The following EYA2 variants were observed in gnomAD, a reference collection of about 807,000 sequenced individuals.
EYA2 encodes EYA transcriptional coactivator and phosphatase 2, also known as protein phosphatase EYA2.
A neutral mutation model predicts 69.2 loss-of-function variants in EYA2; 31 were observed. The ratio of observed to expected loss-of-function variants is 0.45; its 90% confidence interval spans 0.34 to 0.60. The LOEUF is 0.60. Among genes scored for constraint, EYA2 ranks in the 20% least tolerant of loss-of-function variants. The pLI is 0.02. For synonymous variants in EYA2, 257 were observed against 279.4 expected, an observed-to-expected ratio of 0.92 and a Z score of 0.80; for missense variants, 622 against 701.2, an observed-to-expected ratio of 0.89 and a Z score of 1.28.
chr20:47,122,911 G>A (rs1885631113), intron 9 of EYA2, among the ~76,000 whole-genome samples: 1 of 152,144 alleles, frequency 6.6e-6, no homozygotes, highest in African/African-American at 2.4e-5. Context: ...TATAGAAAAA[G>A]TTCACCACCC....
intron 9 of EYA2, among the ~76,000 whole-genome samples, chr20:47,129,188 CAGTAAT>C (rs1225220343): frequency 1.3e-5 from 2 of 152,140 alleles, no homozygotes; most frequent in African/African-American, 4.8e-5. Context: ...ATGAGGGACA[CAGTAAT>C]AGCTCCCATG....
At chr20:46,992,710 G>A (rs1003463428) in intron 2 of EYA2, among the ~76,000 whole-genome samples, 1 of 152,182 alleles carries the variant, frequency 6.6e-6, no homozygotes, top group Non-Finnish European at 1.5e-5. Flanking sequence ...GGCTGCCATG[G>A]TGAAGGCTTT....
chr20:46,969,019 T>C (rs1399261173), intron 1 of EYA2, among the ~76,000 whole-genome samples: 2 of 151,766 alleles, frequency 1.3e-5, no homozygotes, highest in East Asian at 3.9e-4. Flanking sequence ...GGTGTGATGA[T>C]TTGACCTACA....
At chr20:47,063,693 T>A (rs2030998087) in intron 5 of EYA2, among the ~76,000 whole-genome samples, 1 of 152,200 alleles carries the variant, frequency 6.6e-6, no homozygotes, top group African/African-American at 2.4e-5. Context: ...CTCTGGTCCT[T>A]CCTTGCAACC....
At chr20:47,043,641 C>T (rs978081737) in intron 5 of EYA2, among the ~76,000 whole-genome samples, 4 of 152,316 alleles carry the variant, frequency 2.6e-5, no homozygotes, top group South Asian at 2.1e-4. Context: ...CTCTCTGTTC[C>T]ACAGTATCTT....
intron 1 of EYA2, among the ~76,000 whole-genome samples, chr20:46,926,933 A>G (rs1985440446): frequency 6.6e-6 from 1 of 152,112 alleles, no homozygotes; most frequent in South Asian, 2.1e-4. Flanking sequence ...ATTCTGGGGG[A>G]AAGCAGGTGC....
At chr20:46,937,391 G>A (rs958681236) in intron 1 of EYA2, among the ~76,000 whole-genome samples, 1 of 152,174 alleles carries the variant, frequency 6.6e-6, no homozygotes, top group African/African-American at 2.4e-5. Context: ...CTTTTGGGTT[G>A]TTGTAAAAAT....
chr20:47,161,428 C>A, intron 10 of EYA2: 1 of 418,760 alleles, frequency 2.4e-6, no homozygotes, highest in Non-Finnish European at 4.5e-6. Flanking sequence ...TTGAGAGAAG[C>A]CCCCAGGAAA....
intron 1 of EYA2, among the ~76,000 whole-genome samples, chr20:46,970,561 G>A (rs1383461989): frequency 1.3e-5 from 2 of 152,122 alleles, no homozygotes; most frequent in African/African-American, 4.8e-5. Context: ...ATAGAGAGAC[G>A]TTCGTTTCAT....
chr20:47,107,341 A>G (rs1459902356), intron 9 of EYA2, among the ~76,000 whole-genome samples: 1 of 151,148 alleles, frequency 6.6e-6, no homozygotes, highest in African/African-American at 2.4e-5. Context: ...CCTGCCCGTT[A>G]TGGTGAAACC....
Position 47,188,586 on chromosome 20 carries a change from C to T in EYA2, c.*453C>T, listed in dbSNP as rs1362889999. ...TTGAACTGGTATGTGGGGTGGTTCA[C>T]AGTTCTAATGTAAGCACTCTATTCT... is the stretch of plus-strand genomic sequence containing the variant. On this transcript the variant is annotated 3_prime_UTR_variant, in exon 16 of 16. Transcript: ENST00000327619. The T allele has an allele frequency of 3.1e-5, 13 of 421,462 alleles. No homozygotes were observed. The highest frequency in any genetic ancestry group is 6.0e-4 in the Middle Eastern group (1 of 1,656). The allele number at this position is 421,462 out of a possible 1,614,324, so 26.1% of individuals were successfully genotyped here. A position where few individuals can be genotyped will look rare whatever the true frequency, so the allele number is the denominator to read the frequency against.
intron 5 of EYA2, among the ~76,000 whole-genome samples, chr20:47,020,122 A>G: frequency 6.7e-6 from 1 of 150,230 alleles, no homozygotes; most frequent in East Asian, 1.9e-4. Context: ...GCAATACAGC[A>G]TGACCCTGTC....
intron 1 of EYA2, among the ~76,000 whole-genome samples, chr20:46,973,398 G>C (rs6066148): frequency 0.17 from 25,842 of 152,216 alleles, 2,847 homozygotes; most frequent in Non-Finnish European, 0.25. Flanking sequence ...CTACTGTGCA[G>C]ACTTCGTTTA....
chr20:46,986,884 C>T (rs906736396), intron 1 of EYA2, among the ~76,000 whole-genome samples: 2 of 152,274 alleles, frequency 1.3e-5, no homozygotes, highest in South Asian at 2.1e-4. Context: ...CTGGGGATCA[C>T]GTCACATTTT....
At chr20:47,055,975 C>T (rs368159111) in intron 5 of EYA2, among the ~76,000 whole-genome samples, 117 of 152,336 alleles carry the variant, frequency 7.7e-4, no homozygotes, top group African/African-American at 2.8e-3. Flanking sequence ...CCCCGCCACC[C>T]CTGCTCCTTC....
At chr20:46,991,461 A>G (rs981799406) in intron 2 of EYA2, among the ~76,000 whole-genome samples, 6 of 152,204 alleles carry the variant, frequency 3.9e-5, no homozygotes, top group Non-Finnish European at 5.9e-5. Flanking sequence ...CCTTGGGGGC[A>G]TGGTGCATGG....
intron 1 of EYA2, among the ~76,000 whole-genome samples, chr20:46,947,833 A>G (rs1978554360): frequency 6.6e-6 from 1 of 152,160 alleles, no homozygotes; most frequent in African/African-American, 2.4e-5. Flanking sequence ...TAACTACCAT[A>G]TGGCTGGGCA....
intron 7 of EYA2, among the ~76,000 whole-genome samples, chr20:47,083,413 C>G (rs1483772456): frequency 1.3e-5 from 2 of 151,840 alleles, no homozygotes; most frequent in Non-Finnish European, 2.9e-5. Context: ...CCCGTCTCTA[C>G]TAAATATACA....
intron 5 of EYA2, among the ~76,000 whole-genome samples, chr20:47,059,716 CT>C (rs1458452214): frequency 2.0e-5 from 3 of 152,216 alleles, no homozygotes; most frequent in Non-Finnish European, 4.4e-5. Context: ...TCATTTGGGG[CT>C]TTCCCCAAAC....
Sources: gnomAD v4.1 joint callset for allele counts (sites outside exome capture counted in the v4.1 genomes callset) on GRCh38, gnomAD v4.1.1 for gene constraint, MANE v1.5 for transcripts, NCBI Gene and HGNC (gene_info 2026-07-23, HGNC 2026-07-21) for gene names.